Variants in FGF10 observed in about 807,000 individuals in gnomAD.
FGF10 encodes FGF-10.
Under a neutral mutation model 19.8 loss-of-function variants are expected in FGF10, and 2 were observed. The ratio of observed to expected loss-of-function variants is 0.10; its 90% CI spans 0.04 to 0.32. FGF10 has a LOEUF of 0.32. Among genes scored for constraint, FGF10 ranks in the 10% least tolerant of loss-of-function variants. The pLI is 1.00. For missense variants in FGF10, 191 were observed against 246.3 expected (o/e 0.78, Z 1.50); for synonymous variants, 112 against 94.0 (o/e 1.19, Z -1.10).
chr5:44,348,219 G>A (rs997770017), intron 1 of FGF10, among the ~76,000 whole-genome samples: 6 of 151,618 alleles, frequency 4.0e-5, no homozygotes, highest in African/African-American at 1.5e-4. Flanking sequence ...GCATATAAAG[G>A]TGGGTTAACA....
chr5:44,323,868 T>C lies in FGF10; in HGVS notation c.326-13338A>G, dbSNP rs904474211. Among the ~76,000 whole-genome samples, 4 of 152,134 alleles carry C rather than the reference T, an allele frequency of 2.6e-5. No individual in the cohort carries two copies. In the South Asian group the frequency reaches 6.2e-4, roughly 24 times the overall value. Reference sequence around the variant, plus strand: ...AAAAAACATGATCTATCTGATCCAATTTGAAAATGAAAACTGATGGGTAAG... The same window carrying C: ...AAAAAACATGATCTATCTGATCCAACTTGAAAATGAAAACTGATGGGTAAG... On this transcript the variant is annotated intron_variant, in intron 1 of 2. Transcript: ENST00000264664.
intron 1 of FGF10, among the ~76,000 whole-genome samples, chr5:44,344,746 A>G (rs1741048795): frequency 6.6e-6 from 1 of 151,786 alleles, no homozygotes; most frequent in South Asian, 2.1e-4. Flanking sequence ...CAGCATTGTT[A>G]TGATTTTATA....
intron 1 of FGF10, among the ~76,000 whole-genome samples, chr5:44,372,341 C>A (rs1187775696): frequency 6.6e-6 from 1 of 152,118 alleles, no homozygotes; most frequent in Non-Finnish European, 1.5e-5. Flanking sequence ...GTGTGTACAT[C>A]TAATCTCCCT....
chr5:44,315,580 A>G (rs1740326072), intron 1 of FGF10, among the ~76,000 whole-genome samples: 1 of 152,198 alleles, frequency 6.6e-6, no homozygotes, highest in Non-Finnish European at 1.5e-5. Flanking sequence ...ATTCAGAATC[A>G]GTCACATCTA....
chr5:44,308,056 T>C (rs1451485348), intron 2 of FGF10, among the ~76,000 whole-genome samples: 5 of 152,142 alleles, frequency 3.3e-5, no homozygotes, highest in Non-Finnish European at 1.5e-5. Context: ...TCACAATCTA[T>C]TGGGAGAAGA....
chr5:44,334,413 C>T (rs1440524059), intron 1 of FGF10, among the ~76,000 whole-genome samples: 1 of 152,048 alleles, frequency 6.6e-6, no homozygotes. Flanking sequence ...AAGGCTCTCC[C>T]AGGTCACTTA....
rs1343183181 is a variant in FGF10 at position 44,302,065 on chromosome 5, A to T, written c.*2930T>A. ...ATACTCCTACAGAGGCAGATCTCTC[A>T]ATAGCTCCAATTTTTTTTTTTTTCA... On this transcript the variant is annotated 3_prime_UTR_variant, in exon 3 of 3. Coordinates refer to ENST00000264664, the MANE Select transcript of FGF10 (RefSeq NM_004465.2). Among the ~76,000 whole-genome samples, 1 of 151,594 alleles carries T rather than the reference A, an allele frequency of 6.6e-6. No homozygotes were observed. The highest frequency in any genetic ancestry group is 1.9e-4 in the East Asian group (1 of 5,164).
At chr5:44,334,995 A>T (rs1055081555) in intron 1 of FGF10, among the ~76,000 whole-genome samples, 9 of 152,146 alleles carry the variant, frequency 5.9e-5, no homozygotes, top group Non-Finnish European at 1.2e-4. Context: ...TTAGGATTTT[A>T]AAAAGATATA....
chr5:44,328,125 T>C (rs754488030), intron 1 of FGF10, among the ~76,000 whole-genome samples: 6 of 152,172 alleles, frequency 3.9e-5, no homozygotes, highest in Non-Finnish European at 8.8e-5. Context: ...CCTCCAAAAA[T>C]CCTGGCATAG....
chr5:44,358,813 A>C (rs593307), intron 1 of FGF10, among the ~76,000 whole-genome samples: 1 of 151,326 alleles, frequency 6.6e-6, no homozygotes, highest in African/African-American at 2.4e-5. Flanking sequence ...ATCAGTTTTA[A>C]TGGTACATGC....
In FGF10 at chr5:44,380,845, T is replaced by TATCCAGGCA. The variant is rs1464791611; in HGVS notation, c.325+7504_325+7512dup. Among the ~76,000 whole-genome samples, 16 of 152,130 alleles carry TATCCAGGCA rather than the reference T, an allele frequency of 1.1e-4. No homozygotes were observed. In the East Asian group the frequency reaches 2.3e-3, roughly 22 times the overall value. On this transcript the variant is annotated intron_variant, in intron 1 of 2. Transcript: ENST00000264664. ...AACGAACAAACAAAAATCAGCAAATTATCCAGGCAGGGTGGTACATGCCTG... is the reference window on the plus strand; with the variant it reads ...AACGAACAAACAAAAATCAGCAAATTATCCAGGCAATCCAGGCAGGGTGGTACATGCCTG...
At chr5:44,386,225 C>T (rs935295791) in intron 1 of FGF10, among the ~76,000 whole-genome samples, 21 of 152,042 alleles carry the variant, frequency 1.4e-4, no homozygotes, top group Admixed American at 1.2e-3. Flanking sequence ...GCTAATCACA[C>T]GTGATTATTA....
Position 44,332,920 on chromosome 5 carries a change from G to A in FGF10, c.326-22390C>T, listed in dbSNP as rs148564283. Reference sequence around the variant, plus strand: ...AGGAGACGGGGAAGAATATGAAGAAGGAATTAAATCCACCAGATTGAAAGG... The same window carrying A: ...AGGAGACGGGGAAGAATATGAAGAAAGAATTAAATCCACCAGATTGAAAGG... On this transcript the variant is annotated intron_variant, in intron 1 of 2. Coordinates refer to ENST00000264664, the MANE Select transcript of FGF10 (RefSeq NM_004465.2). Among the ~76,000 whole-genome samples the A allele has an allele frequency of 1.8e-3, 280 of 151,878 alleles. 3 individuals carry two copies. The East Asian group carries it at 0.02, about 11-fold the overall frequency.
rs1739955036 is a variant in FGF10, at chr5:44,301,005, G to T, written c.*3990C>A. On this transcript the variant is annotated 3_prime_UTR_variant, in exon 3 of 3. Coordinates refer to ENST00000264664, the MANE Select transcript of FGF10 (RefSeq NM_004465.2). ...CCTAACCAAATAAAACCAATGAAGG[G>T]TAACAGAAAATGAATGTCTGAGAAG... Among the ~76,000 whole-genome samples, 1 of 152,002 alleles carries T rather than the reference G, an allele frequency of 6.6e-6. No individual in the cohort carries two copies. The highest frequency in any genetic ancestry group is 1.5e-5 in the Non-Finnish European group (1 of 67,994).
chr5:44,338,951 A>C (rs1178404955), intron 1 of FGF10, among the ~76,000 whole-genome samples: 1 of 152,210 alleles, frequency 6.6e-6, no homozygotes, highest in Non-Finnish European at 1.5e-5. Flanking sequence ...TAGGAACATC[A>C]GTTAGAATGT....
chr5:44,355,103 A>C (rs572043003), intron 1 of FGF10, among the ~76,000 whole-genome samples: 1 of 151,630 alleles, frequency 6.6e-6, no homozygotes, highest in African/African-American at 2.4e-5. Flanking sequence ...AAAAGCCATA[A>C]AAAGAAAGTA....
rs1363189372 is a variant in FGF10, at chr5:44,310,588, A to G, written c.326-58T>C. 93 of 1,289,750 alleles carry G rather than the reference A, an allele frequency of 7.2e-5. No individual in the cohort carries two copies. In the East Asian group the frequency reaches 2.2e-3, roughly 31 times the overall value. The allele number at this position is 1,289,750 out of a possible 1,614,324, so 79.9% of individuals were successfully genotyped here. On this transcript the variant is annotated intron_variant, in intron 1 of 2. Coordinates refer to ENST00000264664, the MANE Select transcript of FGF10 (RefSeq NM_004465.2). ...GAATCCTAAATATATTTGGAAGAAA[A>G]GTAAAATCAAAAGAAACTATTGAGT...
intron 1 of FGF10, among the ~76,000 whole-genome samples, chr5:44,324,457 C>T (rs1740566394): frequency 6.6e-6 from 1 of 152,104 alleles, no homozygotes; most frequent in African/African-American, 2.4e-5. Flanking sequence ...CTAGATAAAA[C>T]CGCACAATAT....
intron 1 of FGF10, among the ~76,000 whole-genome samples, chr5:44,333,892 G>T: frequency 6.6e-6 from 1 of 151,962 alleles, no homozygotes; most frequent in East Asian, 1.9e-4. Context: ...AGAGGCAGCG[G>T]GAGGGAAAGC....
Sources: gnomAD v4.1 joint callset for allele counts (sites outside exome capture counted in the v4.1 genomes callset) on GRCh38, gnomAD v4.1.1 for gene constraint, MANE v1.5 for transcripts, NCBI Gene and HGNC (gene_info 2026-07-23, HGNC 2026-07-21) for gene names.